The following PTPRZ1 variants were observed in gnomAD, a reference collection of about 807,000 sequenced individuals.
PTPRZ1 encodes the protein protein tyrosine phosphatase receptor type Z1, also known as receptor-type tyrosine-protein phosphatase zeta.
Under a neutral mutation model 214.1 loss-of-function variants are expected in PTPRZ1, and 82 were observed. The ratio of observed to expected loss-of-function variants is 0.38; its 90% CI spans 0.32 to 0.46. The LOEUF (loss-of-function observed/expected upper bound fraction) is 0.46, where lower values mean the gene tolerates loss of function less well. Ranked by LOEUF, PTPRZ1 falls within the 20% of genes least tolerant of loss-of-function variation. The pLI, the probability that PTPRZ1 is intolerant of heterozygous loss-of-function variation, is 1.00. For synonymous variants in PTPRZ1, 945 were observed against 987.9 expected, an observed-to-expected ratio of 0.96 and a Z score of 0.81; for missense variants, 2,603 against 2,748.7, an observed-to-expected ratio of 0.95 and a Z score of 1.19.
chr7:122,012,952 G>C lies in PTPRZ1; in HGVS notation c.3906G>C (p.Gln1302His). 6.2e-7 allele frequency: 1 copy of C among 1,613,992 alleles called. No individual in the cohort carries two copies. ...LFQTANLEIN[Q>H]AHPPKGRHVF... is the part of the protein sequence containing the mutation. ...AAACGGCCAATTTGGAGATTAACCA[G>C]GCCCATCCCCCAAAAGGAAGGCATG... Residue 1302 changes from glutamine to histidine, a missense_variant, in exon 12 of 30, where the codon CAG (glutamine) becomes CAC (histidine). Physicochemically the swap from Gln to His is conservative, Grantham distance 24. This residue lies in a region of PTPRZ1 where 1,913 missense variants were observed against 1,914.3 expected (regional missense o/e 1.00). Transcript: ENST00000393386.
At chr7:121,931,470 G>C (rs1169528413) in intron 2 of PTPRZ1, among the ~76,000 whole-genome samples, 1 of 152,114 alleles carries the variant, frequency 6.6e-6, no homozygotes, top group Non-Finnish European at 1.5e-5. Flanking sequence ...CCCAGAGTTA[G>C]AAAACAGAGG....
intron 2 of PTPRZ1, among the ~76,000 whole-genome samples, chr7:121,964,466 G>A (rs1796980296): frequency 6.6e-6 from 1 of 152,076 alleles, no homozygotes; most frequent in Non-Finnish European, 1.5e-5. Context: ...GTACAGGATG[G>A]GGGAAACCGC....
intron 28 of PTPRZ1, 57 bp from the exon 29 acceptor site, chr7:122,059,696 A>G: frequency 6.5e-7 from 1 of 1,541,992 alleles, no homozygotes; most frequent in Non-Finnish European, 8.7e-7. Context: ...TGAGTTCTAA[A>G]TGTGAGTGGT....
intron 1 of PTPRZ1, among the ~76,000 whole-genome samples, chr7:121,890,032 G>T (rs1916888): frequency 0.54 from 82,024 of 151,884 alleles, 22,735 homozygotes; most frequent in African/African-American, 0.65. Context: ...TTGTAGTCCT[G>T]AGAGTTCTTC....
chr7:121,964,455 A>G (rs1386645296), intron 2 of PTPRZ1, among the ~76,000 whole-genome samples: 3 of 152,174 alleles, frequency 2.0e-5, no homozygotes, highest in Non-Finnish European at 4.4e-5. Flanking sequence ...CACTGTCATG[A>G]GTACAGGATG....
chr7:121,975,187 AAAAC>A (rs1334166419), intron 4 of PTPRZ1, among the ~76,000 whole-genome samples: 4 of 152,318 alleles, frequency 2.6e-5, no homozygotes, highest in South Asian at 2.1e-4. Context: ...ACCCCCTCTC[AAAAC>A]AAACAAACAA....
intron 13 of PTPRZ1, among the ~76,000 whole-genome samples, chr7:122,021,767 T>G (rs1173953693): frequency 6.6e-6 from 1 of 152,150 alleles, no homozygotes; most frequent in Non-Finnish European, 1.5e-5. Context: ...GATGGTTTTA[T>G]GTATATGTTT....
chr7:121,942,765 T>G (rs748521798), intron 2 of PTPRZ1, among the ~76,000 whole-genome samples: 1 of 152,216 alleles, frequency 6.6e-6, no homozygotes, highest in Non-Finnish European at 1.5e-5. Context: ...TTTATATAGA[T>G]TAGATACCAC....
chr7:121,905,752 G>C (rs1371187401), intron 1 of PTPRZ1, among the ~76,000 whole-genome samples: 2 of 151,810 alleles, frequency 1.3e-5, no homozygotes, highest in Non-Finnish European at 2.9e-5. Flanking sequence ...TAGACCTGCT[G>C]TAAAAATACA....
At chr7:121,947,591 T>C (rs1796423440) in intron 2 of PTPRZ1, among the ~76,000 whole-genome samples, 1 of 152,228 alleles carries the variant, frequency 6.6e-6, no homozygotes, top group African/African-American at 2.4e-5. Context: ...ATAAAAATTA[T>C]TTGGCTTATA....
intron 1 of PTPRZ1, among the ~76,000 whole-genome samples, chr7:121,904,130 G>A (rs1175897949): frequency 6.6e-6 from 1 of 152,140 alleles, no homozygotes; most frequent in African/African-American, 2.4e-5. Context: ...AACCTTCCCT[G>A]ATAGATCTCC....
intron 11 of PTPRZ1, among the ~76,000 whole-genome samples, chr7:122,006,282 A>T (rs1313599452): frequency 6.6e-6 from 1 of 152,028 alleles, no homozygotes; most frequent in African/African-American, 2.4e-5. Context: ...CCTATCTGAA[A>T]ATATATATTA....
At chr7:122,029,210 G>A (rs780209020) in intron 14 of PTPRZ1, among the ~76,000 whole-genome samples, 12 of 151,702 alleles carry the variant, frequency 7.9e-5, no homozygotes, top group Non-Finnish European at 1.5e-4. Flanking sequence ...CTCTCAAAAT[G>A]TTGAACAGTT....
chr7:122,007,066 G>A (rs1198639140), intron 11 of PTPRZ1, among the ~76,000 whole-genome samples: 3 of 152,010 alleles, frequency 2.0e-5, no homozygotes, highest in Non-Finnish European at 4.4e-5. Flanking sequence ...TAGAATGAAT[G>A]GAGACAGGTG....
intron 24 of PTPRZ1, 36 bp downstream of exon 24, chr7:122,051,557 T>C: frequency 6.5e-7 from 1 of 1,536,038 alleles, no homozygotes; most frequent in Non-Finnish European, 8.9e-7. Context: ...ACAACTTTTT[T>C]AAAATAATAA....
chr7:121,978,055 G>A (rs892936119), intron 6 of PTPRZ1, among the ~76,000 whole-genome samples: 4 of 151,990 alleles, frequency 2.6e-5, no homozygotes, highest in African/African-American at 7.3e-5. Flanking sequence ...TACTTTTTGG[G>A]GGTGCCTTGG....
At chr7:121,897,343 G>A (rs931085419) in intron 1 of PTPRZ1, among the ~76,000 whole-genome samples, 3 of 151,960 alleles carry the variant, frequency 2.0e-5, no homozygotes, top group African/African-American at 4.8e-5. Context: ...TAGATTTAGC[G>A]TACACATTCC....
At chr7:121,993,563 AGACT>A (rs1162181895) in intron 8 of PTPRZ1, among the ~76,000 whole-genome samples, 69 of 126,120 alleles carry the variant, frequency 5.5e-4, no homozygotes, top group Non-Finnish European at 9.0e-4. Flanking sequence ...TGACAGAGCG[AGACT>A]GTCTCAAAAA....
chr7:121,923,287 C>T (rs1159557926), intron 1 of PTPRZ1, among the ~76,000 whole-genome samples: 1 of 152,182 alleles, frequency 6.6e-6, no homozygotes, highest in Non-Finnish European at 1.5e-5. Flanking sequence ...CAACTGATCT[C>T]CTTTTTATGT....
Sources: allele counts gnomAD v4.1 joint callset (sites outside exome capture counted in the v4.1 genomes callset), GRCh38; gene constraint gnomAD v4.1.1; regional missense constraint gnomAD v4.1.1; transcripts MANE v1.5; gene names NCBI Gene and HGNC (gene_info 2026-07-23, HGNC 2026-07-21).